The following MIDEAS variants were observed in gnomAD, a reference collection of about 807,000 sequenced individuals.
MIDEAS encodes the protein mitotic deacetylase-associated SANT domain protein.
A neutral mutation model predicts 102.7 loss-of-function variants in MIDEAS; 26 were observed. The observed-to-expected ratio is 0.25, with a 90% CI of 0.19 to 0.35. The LOEUF (loss-of-function observed/expected upper bound fraction) is 0.35. MIDEAS is among the 10% of genes least tolerant of loss of function. MIDEAS has a pLI of 1.00. For synonymous variants in MIDEAS, 585 were observed against 591.0 expected, an observed-to-expected ratio of 0.99 and a Z score of 0.15; for missense variants, 1,231 against 1,435.6, an observed-to-expected ratio of 0.86 and a Z score of 2.30.
chr14:73,744,080 C>T (rs1220815437), intron 1 of MIDEAS, among the ~76,000 whole-genome samples: 1 of 151,958 alleles, frequency 6.6e-6, no homozygotes, highest in Non-Finnish European at 1.5e-5. Context: ...CAGTGCTGAC[C>T]CCACATATAT....
At chr14:73,721,597 G>A in intron 10 of MIDEAS, 88 bp from the exon 11 acceptor site, 1 of 1,211,956 alleles carries the variant, frequency 8.3e-7, no homozygotes, top group Non-Finnish European at 1.2e-6. Context: ...GGGTTCACCA[G>A]CCCCAGCTAG....
chr14:73,723,231 G>C (rs183700417), intron 9 of MIDEAS: 60 of 157,408 alleles, frequency 3.8e-4, no homozygotes, highest in African/African-American at 1.1e-3. Context: ...TGCAACCTCC[G>C]CCTCCCAGGT....
chr14:73,785,253 A>G (rs572042323), intron 1 of MIDEAS, among the ~76,000 whole-genome samples: 1 of 152,322 alleles, frequency 6.6e-6, no homozygotes, highest in South Asian at 2.1e-4. Context: ...AAATCTCTCT[A>G]TACAATTATA....
chr14:73,734,495 C>T (rs1348221066), intron 3 of MIDEAS, among the ~76,000 whole-genome samples: 1 of 152,130 alleles, frequency 6.6e-6, no homozygotes, highest in Non-Finnish European at 1.5e-5. Context: ...GCAGCCTTGG[C>T]CTCTTGGGCT....
At chr14:73,761,580 G>T (rs1566604608), upstream of MIDEAS, among the ~76,000 whole-genome samples, 1 of 152,160 alleles carries the variant, frequency 6.6e-6, no homozygotes, top group Non-Finnish European at 1.5e-5. Flanking sequence ...TATGCCACAG[G>T]ACTGGACCAG....
upstream of MIDEAS, among the ~76,000 whole-genome samples, chr14:73,761,887 C>G (rs2053558163): frequency 6.6e-6 from 1 of 152,200 alleles, no homozygotes; most frequent in Non-Finnish European, 1.5e-5. Flanking sequence ...CTCTGCTCCT[C>G]CCCCAGAGGA....
At chr14:73,778,976 G>A (rs1398879035) in intron 1 of MIDEAS, among the ~76,000 whole-genome samples, 2 of 151,916 alleles carry the variant, frequency 1.3e-5, no homozygotes, top group East Asian at 3.9e-4. Context: ...TTTAACTTAT[G>A]CAAATTCAAA....
intron 1 of MIDEAS, among the ~76,000 whole-genome samples, chr14:73,785,172 C>A (rs1344667431): frequency 6.6e-6 from 1 of 152,248 alleles, no homozygotes; most frequent in Non-Finnish European, 1.5e-5. Context: ...AGGGAGTTAT[C>A]AGGTTGAGAT....
At chr14:73,745,216 G>C (rs2140134056) in intron 1 of MIDEAS, among the ~76,000 whole-genome samples, 1 of 152,296 alleles carries the variant, frequency 6.6e-6, no homozygotes, top group South Asian at 2.1e-4. Flanking sequence ...CCTACCCCTG[G>C]CCCCAGGCCC....
chr14:73,721,629 A>G lies in MIDEAS; in HGVS notation c.2725-120T>C, dbSNP rs1439241697. On this transcript the variant is annotated intron_variant, in intron 10 of 12. Transcript: ENST00000423556. ...CTAGTCCTGCTCGCCTGGCTGGCCCAGCATAGTCTTCTGTACTAGGACTCT... is the reference window on the plus strand; with the variant it reads ...CTAGTCCTGCTCGCCTGGCTGGCCCGGCATAGTCTTCTGTACTAGGACTCT... 4.7e-6 allele frequency: 4 copies of G among 845,884 alleles called. No homozygotes were observed. The East Asian group carries it at 7.3e-5, about 15-fold the overall frequency. 52.4% of individuals were successfully genotyped at this position (845,884 alleles called of 1,614,324 possible). A position where few individuals can be genotyped will look rare whatever the true frequency, so the allele number is the denominator to read the frequency against.
intron 1 of MIDEAS, among the ~76,000 whole-genome samples, chr14:73,750,262 CT>C (rs2053404805): frequency 6.6e-6 from 1 of 152,174 alleles, no homozygotes. Flanking sequence ...TATCTTGTGT[CT>C]TCCAAGTCCT....
intron 3 of MIDEAS, among the ~76,000 whole-genome samples, chr14:73,731,081 C>T (rs907498429): frequency 6.6e-6 from 1 of 152,216 alleles, no homozygotes; most frequent in African/African-American, 2.4e-5. Flanking sequence ...AAAGGTTAGC[C>T]CTCCTACTTC....
chr14:73,729,603 C>T (rs778817608), intron 4 of MIDEAS, 37 bp downstream of exon 4: 2 of 1,542,908 alleles, frequency 1.3e-6, no homozygotes, highest in African/African-American at 1.4e-5. Flanking sequence ...GTGCCCCAGC[C>T]CCGCTCCTGC....
At chr14:73,745,414 G>A (rs731222) in intron 1 of MIDEAS, among the ~76,000 whole-genome samples, 1 of 151,908 alleles carries the variant, frequency 6.6e-6, no homozygotes, top group Non-Finnish European at 1.5e-5. Flanking sequence ...CAAGCCTGTG[G>A]GTCTGTTTAC....
rs1370513729 is a variant in MIDEAS, at chr14:73,739,442, C to T, written c.567G>A (p.Leu189=). The T allele has an allele frequency of 5.0e-6, 8 of 1,593,446 alleles. No homozygotes were observed. Among genetic ancestry groups the T allele is most frequent in the Admixed American group, 3.4e-5 (2 of 58,772 alleles). ...VRPMMPQKVQ[L]EVGRPQAPLN... ...GGGGTGCCTGGGGCCGCCCTACCTC[C>T]AGCTGCACCTTCTGTGGCATCATTG... is the stretch of plus-strand genomic sequence containing the variant. The change falls in exon 2 of 13, where the codon CTG becomes CTA. Residue 189 remains leucine, a synonymous_variant. Coordinates refer to ENST00000423556, the MANE Select transcript of MIDEAS (RefSeq NM_001367710.1).
chr14:73,719,300 C>G lies in MIDEAS; in HGVS notation c.3134+5G>C. ...TCCCAGCGGGGACAGCGCTGCCCACCTTACCTGCCACATTTTTTACAGGGG... is the reference window on the plus strand; with the variant it reads ...TCCCAGCGGGGACAGCGCTGCCCACGTTACCTGCCACATTTTTTACAGGGG... On this transcript the variant is annotated splice_donor_5th_base_variant and intron_variant, in intron 12 of 12. Transcript: ENST00000423556. 6.2e-7 allele frequency: 1 copy of G among 1,613,154 alleles called. No individual in the cohort carries two copies. The highest frequency in any genetic ancestry group is 8.5e-7 in the Non-Finnish European group (1 of 1,179,786).
At chr14:73,786,532 C>A (rs1357972324) in intron 1 of MIDEAS, among the ~76,000 whole-genome samples, 1 of 152,068 alleles carries the variant, frequency 6.6e-6, no homozygotes, top group Non-Finnish European at 1.5e-5. Context: ...GAGTCAGGAG[C>A]GATTCATTTC....
chr14:73,748,222 A>G (rs1173089261), intron 1 of MIDEAS, among the ~76,000 whole-genome samples: 1 of 152,218 alleles, frequency 6.6e-6, no homozygotes, highest in Non-Finnish European at 1.5e-5. Context: ...AATTACTTTA[A>G]ATGTGAATGG....
intron 3 of MIDEAS, among the ~76,000 whole-genome samples, chr14:73,730,741 T>C (rs1169861558): frequency 6.6e-6 from 1 of 151,954 alleles, no homozygotes; most frequent in Non-Finnish European, 1.5e-5. Context: ...AGGGGATCAC[T>C]TGAGGTCAGG....
Sources: allele counts gnomAD v4.1 joint callset (sites outside exome capture counted in the v4.1 genomes callset), GRCh38; gene constraint gnomAD v4.1.1; transcripts MANE v1.5; gene names NCBI Gene and HGNC (gene_info 2026-07-23, HGNC 2026-07-21).